SORCS1: variants seen among roughly 807,000 people sequenced by gnomAD.
The protein encoded by SORCS1 is sortilin related VPS10 domain containing receptor 1.
A neutral mutation model predicts 146.1 loss-of-function variants in SORCS1; 60 were observed. The observed-to-expected ratio is 0.41, with a 90% CI of 0.33 to 0.51. SORCS1 has a LOEUF of 0.51. Among genes scored for constraint, SORCS1 ranks in the 20% least tolerant of loss-of-function variants. SORCS1 has a pLI of 0.21. For synonymous variants in SORCS1, 637 were observed against 584.0 expected (o/e 1.09, Z -1.31); for missense variants, 1,352 against 1,487.6 (o/e 0.91, Z 1.50).
chr10:106,795,211 G>C (rs573199033), intron 3 of SORCS1, among the ~76,000 whole-genome samples: 2 of 152,276 alleles, frequency 1.3e-5, no homozygotes, highest in African/African-American at 4.8e-5. Flanking sequence ...TAAAGTCTTT[G>C]GAAAGTGCAT....
At chr10:106,802,187 GT>G (rs1275720366) in intron 3 of SORCS1, among the ~76,000 whole-genome samples, 1 of 152,196 alleles carries the variant, frequency 6.6e-6, no homozygotes, top group African/African-American at 2.4e-5. Context: ...TACTGTAGGA[GT>G]ACAGAATCAG....
chr10:107,042,500 T>C (rs1308496563), intron 1 of SORCS1, among the ~76,000 whole-genome samples: 1 of 152,200 alleles, frequency 6.6e-6, no homozygotes, highest in Non-Finnish European at 1.5e-5. Context: ...TACTTCCACA[T>C]GAATGTGTTG....
chr10:107,019,876 G>A (rs946894988), intron 1 of SORCS1, among the ~76,000 whole-genome samples: 2 of 152,226 alleles, frequency 1.3e-5, no homozygotes, highest in African/African-American at 4.8e-5. Flanking sequence ...GGATAGACAA[G>A]GAAAGTAAAT....
chr10:106,689,506 G>A (rs1343281431), intron 9 of SORCS1, among the ~76,000 whole-genome samples: 1 of 152,144 alleles, frequency 6.6e-6, no homozygotes, highest in African/African-American at 2.4e-5. Flanking sequence ...GGGAGTAAGT[G>A]AGCAGGCTAG....
At chr10:107,169,087 A>G (rs1178190850), upstream of SORCS1, among the ~76,000 whole-genome samples, 2 of 152,196 alleles carry the variant, frequency 1.3e-5, no homozygotes, top group Non-Finnish European at 2.9e-5. Context: ...CATAAGCTAC[A>G]GGTTAACTGT....
At chr10:107,055,472 T>TA (rs1230251797) in intron 1 of SORCS1, among the ~76,000 whole-genome samples, 6 of 152,194 alleles carry the variant, frequency 3.9e-5, no homozygotes, top group Non-Finnish European at 8.8e-5. Flanking sequence ...AAGATAATTT[T>TA]AAAAAACACT....
At chr10:106,791,731 C>T (rs186742522) in intron 3 of SORCS1, among the ~76,000 whole-genome samples, 4 of 152,096 alleles carry the variant, frequency 2.6e-5, no homozygotes, top group Non-Finnish European at 5.9e-5. Context: ...AATTTTGCAA[C>T]CACTTTTGAT....
In SORCS1 at chr10:106,750,797, T is replaced by C. The variant is rs1336852581; in HGVS notation, c.959+10791A>G. On this transcript the variant is annotated intron_variant, in intron 5 of 25. Transcript: ENST00000263054. Reference sequence around the variant, plus strand: ...AGAAAAGGCCGGGCGCTGTGGCTCATGCCTGTAATCCCAGCACTTTGGGAG... The same window carrying C: ...AGAAAAGGCCGGGCGCTGTGGCTCACGCCTGTAATCCCAGCACTTTGGGAG... 1.0e-4 allele frequency among the ~76,000 whole-genome samples: 12 copies of C among 119,042 alleles called. No homozygotes were observed. The East Asian group carries it at 2.5e-3, about 25-fold the overall frequency. 78.1% of individuals were successfully genotyped at this position (119,042 alleles called of 152,430 possible).
At chr10:107,042,604 G>A (rs1446434835) in intron 1 of SORCS1, among the ~76,000 whole-genome samples, 1 of 137,944 alleles carries the variant, frequency 7.2e-6, no homozygotes, top group Non-Finnish European at 1.5e-5. Context: ...CAGCGGGGAA[G>A]TGAACTATTT....
At chr10:106,806,505 C>CTTTCT (rs1380725939) in intron 3 of SORCS1, among the ~76,000 whole-genome samples, 760 of 70,458 alleles carry the variant, frequency 0.011, 185 homozygotes, top group Middle Eastern at 0.026. Context: ...GAGAGGAAGC[C>CTTTCT]TTTTTTTTTT....
intron 1 of SORCS1, among the ~76,000 whole-genome samples, chr10:107,055,660 T>G (rs1377684286): frequency 1.3e-5 from 2 of 152,156 alleles, no homozygotes; most frequent in Non-Finnish European, 2.9e-5. Context: ...GCAACAGCCA[T>G]TTGATTCAAA....
intron 2 of SORCS1, among the ~76,000 whole-genome samples, chr10:106,859,087 A>G (rs1021964642): frequency 6.6e-6 from 1 of 152,336 alleles, no homozygotes; most frequent in East Asian, 1.9e-4. Flanking sequence ...ATCCACTGCT[A>G]AGCAGACAAG....
intron 3 of SORCS1, among the ~76,000 whole-genome samples, chr10:106,825,295 T>C (rs1948247639): frequency 7.3e-6 from 1 of 137,554 alleles, no homozygotes; most frequent in African/African-American, 2.8e-5. Context: ...TTTTTGAGAC[T>C]GAGTCTCGCT....
chr10:106,989,853 A>AT (rs1589865324), intron 1 of SORCS1, among the ~76,000 whole-genome samples: 1 of 150,954 alleles, frequency 6.6e-6, no homozygotes, highest in Non-Finnish European at 1.5e-5. Context: ...CGCCTGGCTA[A>AT]TTTTTTGTAT....
intron 10 of SORCS1, among the ~76,000 whole-genome samples, chr10:106,686,093 A>G (rs1043894815): frequency 6.6e-6 from 1 of 152,120 alleles, no homozygotes; most frequent in Non-Finnish European, 1.5e-5. Context: ...TTTTACCTCA[A>G]AATAAAGTTG....
intron 1 of SORCS1, among the ~76,000 whole-genome samples, chr10:107,067,373 G>A (rs188767936): frequency 7.9e-4 from 120 of 151,336 alleles, no homozygotes; most frequent in Admixed American, 4.3e-3. Context: ...TAATCCTTGC[G>A]TGTATCTGGG....
At chr10:106,944,874 C>CTTTTTTTTGTTTTTTTT (rs1954242459) in intron 2 of SORCS1, among the ~76,000 whole-genome samples, 1 of 36,576 alleles carries the variant, frequency 2.7e-5, no homozygotes, top group Non-Finnish European at 5.0e-5. Flanking sequence ...AAAGAGCCTT[C>CTTTTTTTTGTTTTTTTT]TTTTTTTTTT....
chr10:107,014,244 A>T (rs1957798449), intron 1 of SORCS1, among the ~76,000 whole-genome samples: 1 of 133,900 alleles, frequency 7.5e-6, no homozygotes, highest in African/African-American at 3.0e-5. Flanking sequence ...ACAGAGGGAG[A>T]CCCTGCGTCA....
chr10:106,836,848 GTGAT>G (rs1315811802), intron 2 of SORCS1, among the ~76,000 whole-genome samples: 1 of 152,188 alleles, frequency 6.6e-6, no homozygotes, highest in African/African-American at 2.4e-5. Context: ...TATGGACAAA[GTGAT>G]TGGGCTCAAC....
Sources: gnomAD v4.1 joint callset for allele counts (sites outside exome capture counted in the v4.1 genomes callset) on GRCh38, gnomAD v4.1.1 for gene constraint, MANE v1.5 for transcripts, NCBI Gene and HGNC (gene_info 2026-07-23, HGNC 2026-07-21) for gene names.